The following BICD1 variants were observed in gnomAD, a reference collection of about 807,000 sequenced individuals.
BICD1 encodes protein bicaudal D homolog 1.
BICD1 carries 35 observed loss-of-function variants against 92.5 expected under a neutral mutation model. The ratio of observed to expected loss-of-function variants is 0.38; its 90% CI spans 0.29 to 0.50. BICD1 has a LOEUF of 0.50. Among genes scored for constraint, BICD1 ranks in the 20% least tolerant of loss-of-function variants. BICD1 has a pLI of 0.93. For missense variants in BICD1, 950 were observed against 1,189.8 expected, an observed-to-expected ratio of 0.80 and a Z score of 2.97; for synonymous variants, 429 against 465.1, an observed-to-expected ratio of 0.92 and a Z score of 1.00.
At chr12:32,294,866 G>C (rs1456272489) in intron 3 of BICD1, among the ~76,000 whole-genome samples, 1 of 151,846 alleles carries the variant, frequency 6.6e-6, no homozygotes, top group Non-Finnish European at 1.5e-5. Flanking sequence ...TGGATCACCT[G>C]AGGTCAGGAG....
intron 1 of BICD1, among the ~76,000 whole-genome samples, chr12:32,135,961 A>C (rs1475187518): frequency 6.6e-6 from 1 of 152,168 alleles, no homozygotes; most frequent in African/African-American, 2.4e-5. Flanking sequence ...TCTGCCTCTT[A>C]AATCTTGGAA....
At chr12:32,252,489 C>A (rs1453686782) in intron 2 of BICD1, among the ~76,000 whole-genome samples, 1 of 152,090 alleles carries the variant, frequency 6.6e-6, no homozygotes, top group East Asian at 1.9e-4. Context: ...CCAGGAGGGT[C>A]TCCATCTGGA....
At chr12:32,324,018 T>A (rs752934435) in intron 4 of BICD1, among the ~76,000 whole-genome samples, 13 of 151,956 alleles carry the variant, frequency 8.6e-5, no homozygotes, top group Non-Finnish European at 1.8e-4. Flanking sequence ...TTATCAAGAG[T>A]ATTTTGATCT....
intron 2 of BICD1, among the ~76,000 whole-genome samples, chr12:32,291,397 C>T (rs369601976): frequency 6.6e-6 from 1 of 151,822 alleles, no homozygotes; most frequent in African/African-American, 2.4e-5. Flanking sequence ...ATTAGCTGGG[C>T]GTGATGGTGT....
intron 8 of BICD1, among the ~76,000 whole-genome samples, chr12:32,355,708 A>G (rs1161805236): frequency 1.3e-5 from 2 of 152,056 alleles, no homozygotes; most frequent in African/African-American, 4.8e-5. Flanking sequence ...AGGCTGAGGC[A>G]TAAGAATCAC....
intron 1 of BICD1, among the ~76,000 whole-genome samples, chr12:32,200,663 G>T (rs1204100744): frequency 6.6e-6 from 1 of 152,034 alleles, no homozygotes; most frequent in African/African-American, 2.4e-5. Flanking sequence ...AATAATGATT[G>T]TACTGAACCT....
chr12:32,157,573 C>T (rs2121469808), intron 1 of BICD1, among the ~76,000 whole-genome samples: 1 of 152,316 alleles, frequency 6.6e-6, no homozygotes, highest in African/African-American at 2.4e-5. Flanking sequence ...CTTTCTGCTT[C>T]TTCTGGAAGC....
intron 2 of BICD1, among the ~76,000 whole-genome samples, chr12:32,254,975 T>A (rs922180566): frequency 2.6e-5 from 4 of 152,150 alleles, no homozygotes; most frequent in Admixed American, 2.6e-4. Flanking sequence ...TGTATTAGTC[T>A]GCTTGGGCTG....
At chr12:32,359,217 A>G (rs1320683856) in intron 8 of BICD1, among the ~76,000 whole-genome samples, 3 of 152,236 alleles carry the variant, frequency 2.0e-5, no homozygotes, top group Non-Finnish European at 4.4e-5. Flanking sequence ...GTCTTTAATG[A>G]ATATTGACTG....
At chr12:32,274,137 T>C (rs989220852) in intron 2 of BICD1, among the ~76,000 whole-genome samples, 2 of 152,204 alleles carry the variant, frequency 1.3e-5, no homozygotes, top group African/African-American at 2.4e-5. Context: ...GACACTTTAA[T>C]GTAGATTGTA....
In BICD1 at chr12:32,327,699, T is replaced by C; in HGVS notation, c.1244T>C (p.Ile415Thr). 6.2e-7 allele frequency: 1 copy of C among 1,614,046 alleles called. No homozygotes were observed. The highest frequency in any genetic ancestry group is 8.5e-7 in the Non-Finnish European group (1 of 1,179,990). ...DYEVDINGLEILECKYRVAVT... is the reference protein window; with the variant it reads ...DYEVDINGLETLECKYRVAVT... Reference sequence around the variant, plus strand: ...GAGGTGGACATCAATGGTTTAGAGATCCTTGAATGCAAATACAGGGTGGCA... The same window carrying C: ...GAGGTGGACATCAATGGTTTAGAGACCCTTGAATGCAAATACAGGGTGGCA... Residue 415 changes from isoleucine to threonine, a missense_variant, in exon 5 of 10, where the codon ATC becomes ACC. Transcript: ENST00000652176.
intron 1 of BICD1, among the ~76,000 whole-genome samples, chr12:32,111,047 G>C (rs79108523): frequency 0.1 from 15,505 of 152,024 alleles, 1,054 homozygotes; most frequent in Middle Eastern, 0.2. Context: ...ATGTTGTAAA[G>C]TTGAAAAAGA....
chr12:32,207,863 G>A (rs1028847185), intron 1 of BICD1, among the ~76,000 whole-genome samples: 1 of 152,194 alleles, frequency 6.6e-6, no homozygotes, highest in Admixed American at 6.5e-5. Flanking sequence ...CCTAGCAGGA[G>A]GTTTAGTGTT....
At chr12:32,161,438 G>T (rs1292303278) in intron 1 of BICD1, among the ~76,000 whole-genome samples, 2 of 152,038 alleles carry the variant, frequency 1.3e-5, no homozygotes, top group Non-Finnish European at 2.9e-5. Context: ...CGTAATTGTT[G>T]AATTATAGCC....
At chr12:32,291,102 T>A (rs554849918) in intron 2 of BICD1, among the ~76,000 whole-genome samples, 3 of 152,334 alleles carry the variant, frequency 2.0e-5, no homozygotes, top group Admixed American at 2.0e-4. Flanking sequence ...TATAATTTGT[T>A]GTTTTCACAT....
chr12:32,111,728 C>T (rs1240042602), intron 1 of BICD1, among the ~76,000 whole-genome samples: 1 of 151,890 alleles, frequency 6.6e-6, no homozygotes, highest in African/African-American at 2.4e-5. Context: ...CTGCCTCAGC[C>T]TCCGGAGTAG....
chr12:32,370,946 T>C lies in BICD1; in HGVS notation c.2840+3201T>C, dbSNP rs141331690. Among the ~76,000 whole-genome samples, 8 of 152,276 alleles carry C rather than the reference T, an allele frequency of 5.3e-5. No individual in the cohort carries two copies. In the East Asian group the frequency reaches 1.5e-3, roughly 29 times the overall value. On this transcript the variant is annotated intron_variant, in intron 9 of 9. Transcript: ENST00000652176. The stretch of plus-strand genomic sequence containing the variant: ...ACTTGAACCCTGGGCTCGAGCAACC[T>C]TCCTGCCTCAGAAGACTACTGCTTG...
intron 9 of BICD1, among the ~76,000 whole-genome samples, chr12:32,371,539 TTTG>T (rs1165872200): frequency 6.6e-5 from 10 of 152,134 alleles, no homozygotes; most frequent in African/African-American, 2.4e-4. Flanking sequence ...TACACCCATT[TTTG>T]TTGTTGTTTT....
intron 2 of BICD1, among the ~76,000 whole-genome samples, chr12:32,234,795 C>T (rs1946015183): frequency 6.6e-6 from 1 of 151,450 alleles, no homozygotes; most frequent in South Asian, 2.1e-4. Flanking sequence ...GGCAATCCTC[C>T]TGCCTCAGCT....
Sources: gnomAD v4.1 joint callset for allele counts (sites outside exome capture counted in the v4.1 genomes callset) on GRCh38, gnomAD v4.1.1 for gene constraint, MANE v1.5 for transcripts, NCBI Gene and HGNC (gene_info 2026-07-23, HGNC 2026-07-21) for gene names.